The following PIP5K1C variants were observed in gnomAD, a reference collection of about 807,000 sequenced individuals.
The protein encoded by PIP5K1C is phosphatidylinositol-4-phosphate 5-kinase type 1 gamma, also known as phosphatidylinositol 4-phosphate 5-kinase type-1 gamma.
In PIP5K1C, 45 loss-of-function variants were observed where a neutral mutation model predicts 80.1. That is an observed-to-expected ratio of 0.56 (90% confidence interval 0.44 to 0.72). The LOEUF (loss-of-function observed/expected upper bound fraction) is 0.72. Among genes scored for constraint, PIP5K1C ranks in the 30% least tolerant of loss-of-function variants. The pLI is 0.00. For missense variants in PIP5K1C, 753 were observed against 954.6 expected (o/e 0.79, Z 2.78); for synonymous variants, 498 against 420.1 (o/e 1.19, Z -2.27).
chr19:3,641,797 C>G lies in PIP5K1C; in HGVS notation c.1695G>C (p.Glu565Asp). The G allele has an allele frequency of 6.2e-7, 1 of 1,611,614 alleles. No homozygotes were observed. Among genetic ancestry groups the G allele is most frequent in the Non-Finnish European group, 8.5e-7 (1 of 1,179,762 alleles). ...SSGQDGRPQEEPPAEEDLQQI... is the reference protein window; with the variant it reads ...SSGQDGRPQEDPPAEEDLQQI... ...GCTGCAGATCCTCTTCCGCGGGTGGCTCCTCCTGCGGCCTGCAGGCAATGG... is the reference window on the plus strand; with the variant it reads ...GCTGCAGATCCTCTTCCGCGGGTGGGTCCTCCTGCGGCCTGCAGGCAATGG... The change falls in exon 15 of 18, where the codon GAG (glutamate) becomes GAC (aspartate). Residue 565 changes from glutamate to aspartate, a missense_variant. By Grantham distance (45) the Glu-to-Asp change is conservative. This residue lies in a region of PIP5K1C where 315 missense variants were observed against 294.5 expected (regional missense o/e 1.07). Coordinates refer to ENST00000335312, the MANE Select transcript of PIP5K1C (RefSeq NM_012398.3).
chr19:3,675,690 G>A (rs2035335765), intron 1 of PIP5K1C, among the ~76,000 whole-genome samples: 1 of 152,138 alleles, frequency 6.6e-6, no homozygotes. Flanking sequence ...ACGGCTTGGG[G>A]GCCTCCAGGC....
At chr19:3,645,860 G>C in intron 11 of PIP5K1C, 114 bp downstream of exon 11, 1 of 817,462 alleles carries the variant, frequency 1.2e-6, no homozygotes, top group African/African-American at 1.7e-5. Context: ...CAGGGGCTCT[G>C]AGTTTACTGC....
In PIP5K1C at chr19:3,651,873, G is replaced by A. The variant is rs1326162668; in HGVS notation, c.1080C>T (p.Ser360=). Residue 360 remains serine (S), a synonymous_variant, in exon 8 of 18, where the codon TCC becomes TCT. Coordinates refer to ENST00000335312, the MANE Select transcript of PIP5K1C (RefSeq NM_012398.3). Reference sequence around the variant, plus strand: ...CCCCGCGCGCGGCGCCACCCTGGATGGACTCCATGGCCGTGGAGTAGAGCG... The same window carrying A: ...CCCCGCGCGCGGCGCCACCCTGGATAGACTCCATGGCCGTGGAGTAGAGCG... ...QKALYSTAME[S]IQGGAARGEA... is the part of the protein sequence containing the mutation. 1 of 1,612,624 alleles carries A rather than the reference G, an allele frequency of 6.2e-7. No individual in the cohort carries two copies. Among genetic ancestry groups the A allele is most frequent in the African/African-American group, 1.3e-5 (1 of 74,940 alleles).
At chr19:3,636,481 C>G (rs1449718428) in intron 16 of PIP5K1C, 5 of 985,476 alleles carry the variant, frequency 5.1e-6, no homozygotes, top group East Asian at 2.3e-4. Flanking sequence ...CCAAGCACCC[C>G]CCTCCGTAGG....
chr19:3,666,323 A>G (rs1321294679), intron 2 of PIP5K1C, among the ~76,000 whole-genome samples: 4 of 152,138 alleles, frequency 2.6e-5, no homozygotes, highest in Non-Finnish European at 4.4e-5. Context: ...GGCCCACCCC[A>G]CTGCGCCCAC....
In PIP5K1C at chr19:3,645,959, G is replaced by C; in HGVS notation, c.1345+15C>G. On this transcript the variant is annotated intron_variant, in intron 11 of 17. Transcript: ENST00000335312. Reference sequence around the variant, plus strand: ...CCCAGGGTCCCTCCCGCCTTGCGGGGCTCAGGTGGCTTACAGGAGTTCTTC... The same window carrying C: ...CCCAGGGTCCCTCCCGCCTTGCGGGCCTCAGGTGGCTTACAGGAGTTCTTC... The C allele has an allele frequency of 6.2e-7, 1 of 1,605,688 alleles. No homozygotes were observed. Among genetic ancestry groups the C allele is most frequent in the Non-Finnish European group, 8.5e-7 (1 of 1,172,864 alleles).
Position 3,692,507 on chromosome 19 carries a change from C to A in PIP5K1C, c.94+7790G>T, listed in dbSNP as rs553153760. On this transcript the variant is annotated intron_variant, in intron 1 of 17. Coordinates refer to ENST00000335312, the MANE Select transcript of PIP5K1C (RefSeq NM_012398.3). The surrounding 1 kb of genome is among the most constrained non-coding windows in gnomAD (Gnocchi z 5.2). Reference sequence around the variant, plus strand: ...CTCAATCCCCCCTCAGCCCCACACTCAACCTTCAAAAGGTCCTGCTGGCTC... The same window carrying A: ...CTCAATCCCCCCTCAGCCCCACACTAAACCTTCAAAAGGTCCTGCTGGCTC... 6.6e-6 allele frequency among the ~76,000 whole-genome samples: 1 copy of A among 152,314 alleles called. No individual in the cohort carries two copies. The highest frequency in any genetic ancestry group is 1.5e-5 in the Non-Finnish European group (1 of 68,014).
intron 1 of PIP5K1C, among the ~76,000 whole-genome samples, chr19:3,697,482 C>T (rs553602403): frequency 6.1e-5 from 9 of 147,098 alleles, no homozygotes; most frequent in African/African-American, 2.3e-4. Flanking sequence ...CGAGCTGGAC[C>T]GGGGAGGACC....
At chr19:3,661,636 A>G (rs2034835210) in intron 4 of PIP5K1C, among the ~76,000 whole-genome samples, 1 of 152,250 alleles carries the variant, frequency 6.6e-6, no homozygotes, top group South Asian at 2.1e-4. Flanking sequence ...GTAGATTAGA[A>G]AAGAGCTAAC....
In PIP5K1C at chr19:3,642,918, T is replaced by C. The variant is rs374902009; in HGVS notation, c.1671A>G (p.Gly557=). Residue 557 remains glycine, a synonymous_variant, in exon 14 of 18, where the codon GGA becomes GGG. Coordinates refer to ENST00000335312, the MANE Select transcript of PIP5K1C (RefSeq NM_012398.3). ...GGGTTGGGTCTCACCTGCCATCCTG[T>C]CCAGACGACTGTGTGCGCCGCCTGC... ...PRYRRRTQSS[G]QDGRPQEEPP... is the part of the protein sequence containing the mutation. 6.8e-6 allele frequency: 11 copies of C among 1,613,458 alleles called. No homozygotes were observed. Among genetic ancestry groups the C allele is most frequent in the Middle Eastern group, 1.7e-4 (1 of 6,060 alleles).
In PIP5K1C at chr19:3,633,020, CGGCA is replaced by C; in HGVS notation, c.*143_*146del. The C allele has an allele frequency of 1.8e-6, 1 of 558,384 alleles. No individual in the cohort carries two copies. Among genetic ancestry groups the C allele is most frequent in the Non-Finnish European group, 3.2e-6 (1 of 309,276 alleles). The allele number at this position is 558,384 out of a possible 1,614,324, so 34.6% of individuals were successfully genotyped here. A position where few individuals can be genotyped will look rare whatever the true frequency, so the allele number is the denominator to read the frequency against. On this transcript the variant is annotated 3_prime_UTR_variant, in exon 18 of 18. Transcript: ENST00000335312. ...GCTTGTCGGGGAGGGGCCCGGCCGT[CGGCA>C]TCCGTGCAGGGGGAGGACGAGGTCC...
rs562031981 is a variant in PIP5K1C, at chr19:3,648,448, C to T, written c.1211+177G>A. Among the ~76,000 whole-genome samples, 12 of 152,290 alleles carry T rather than the reference C, an allele frequency of 7.9e-5. No homozygotes were observed. The South Asian group carries it at 1.2e-3, about 16-fold the overall frequency. On this transcript the variant is annotated intron_variant, in intron 9 of 17. Coordinates refer to ENST00000335312, the MANE Select transcript of PIP5K1C (RefSeq NM_012398.3). The surrounding 1 kb of genome is among the most constrained non-coding windows in gnomAD (Gnocchi z 4.3). ...GTGCGGCTGTTTCCACGGGCAAGCG[C>T]CTCTGTGCATGGGTGTCCTGGGGGC... is the stretch of plus-strand genomic sequence containing the variant.
chr19:3,684,088 A>G (rs2145584193), intron 1 of PIP5K1C, among the ~76,000 whole-genome samples: 1 of 152,190 alleles, frequency 6.6e-6, no homozygotes, highest in Non-Finnish European at 1.5e-5. Flanking sequence ...CTGGAGCAGC[A>G]CCCACAGCCT....
At chr19:3,651,648 C>A (rs2034455047) in intron 8 of PIP5K1C, among the ~76,000 whole-genome samples, 178 bp downstream of exon 8, 1 of 152,252 alleles carries the variant, frequency 6.6e-6, no homozygotes, top group Non-Finnish European at 1.5e-5. Flanking sequence ...GCCTGCGGCC[C>A]GCACTACGGC....
intron 1 of PIP5K1C, among the ~76,000 whole-genome samples, chr19:3,691,466 G>A (rs2035948134): frequency 6.6e-6 from 1 of 152,062 alleles, no homozygotes; most frequent in South Asian, 2.1e-4. Flanking sequence ...ACTCTCACGC[G>A]CCACGCCCAG....
Position 3,696,858 on chromosome 19 carries a change from G to A in PIP5K1C, c.94+3439C>T, listed in dbSNP as rs1003717793. Among the ~76,000 whole-genome samples the A allele has an allele frequency of 2.0e-5, 3 of 152,206 alleles. No individual in the cohort carries two copies. The highest frequency in any genetic ancestry group is 2.0e-4 in the Admixed American group (3 of 15,280). On this transcript the variant is annotated intron_variant, in intron 1 of 17. Coordinates refer to ENST00000335312, the MANE Select transcript of PIP5K1C (RefSeq NM_012398.3). The surrounding 1 kb of genome is among the most constrained non-coding windows in gnomAD (Gnocchi z 4.1). ...CCATGGAGGGCTGCGAGCAGAGGAG[G>A]GTCGGGACTCGGGCCGCTGGTTTTT...
intron 11 of PIP5K1C, 140 bp downstream of exon 11, chr19:3,645,834 C>T (rs538326868): frequency 1.6e-4 from 122 of 762,706 alleles, no homozygotes; most frequent in East Asian, 8.2e-4. Flanking sequence ...GGATGAGGCC[C>T]GGTCTGAGGG....
In PIP5K1C at chr19:3,688,783, C is replaced by T. The variant is rs960637185; in HGVS notation, c.94+11514G>A. Among the ~76,000 whole-genome samples the T allele has an allele frequency of 2.0e-5, 3 of 151,690 alleles. No homozygotes were observed. Among genetic ancestry groups the T allele is most frequent in the African/African-American group, 2.4e-5 (1 of 41,256 alleles). ...GGGAGAACGAGAGCGAGAGACACAC[C>T]GAGCTGGTGGGCCGGGGGAGGGGGA... On this transcript the variant is annotated intron_variant, in intron 1 of 17. Coordinates refer to ENST00000335312, the MANE Select transcript of PIP5K1C (RefSeq NM_012398.3). This position sits in a 1 kb window ranked among gnomAD's most constrained non-coding sequence, Gnocchi z 5.3.
intron 1 of PIP5K1C, among the ~76,000 whole-genome samples, 178 bp from the exon 2 acceptor site, chr19:3,667,531 G>A (rs1215616303): frequency 6.6e-6 from 1 of 152,224 alleles, no homozygotes; most frequent in Non-Finnish European, 1.5e-5. Flanking sequence ...AGGATGTGAT[G>A]AGGGTGGGGG....
Sources: gnomAD v4.1 joint callset for allele counts (sites outside exome capture counted in the v4.1 genomes callset) on GRCh38, gnomAD v4.1.1 for gene constraint, gnomAD v4.1.1 regional missense constraint, Gnocchi (gnomAD v3.1) non-coding constraint, MANE v1.5 for transcripts, NCBI Gene and HGNC (gene_info 2026-07-23, HGNC 2026-07-21) for gene names.